The following SLC13A4 variants were observed in gnomAD, a reference collection of about 807,000 sequenced individuals.
SLC13A4 encodes the protein solute carrier family 13 member 4.
SLC13A4 carries 28 observed loss-of-function variants against 72.7 expected under a neutral mutation model. That is an observed-to-expected ratio of 0.39 (90% confidence interval 0.29 to 0.53). The LOEUF (loss-of-function observed/expected upper bound fraction) is 0.53, where lower values mean the gene tolerates loss of function less well. Among genes scored for constraint, SLC13A4 ranks in the 20% least tolerant of loss-of-function variants. SLC13A4 has a pLI of 0.78. For missense variants in SLC13A4, 653 were observed against 788.0 expected, an observed-to-expected ratio of 0.83 and a Z score of 2.05; for synonymous variants, 312 against 325.5, an observed-to-expected ratio of 0.96 and a Z score of 0.45.
chr7:135,711,962 GATTTTTTTT>G (rs1796313247), intron 2 of SLC13A4, among the ~76,000 whole-genome samples: 2 of 59,630 alleles, frequency 3.4e-5, no homozygotes, highest in Admixed American at 2.1e-4. Context: ...AATGTTTTTG[GATTTTTTTT>G]TTTTTTTTTT....
intron 15 of SLC13A4, among the ~76,000 whole-genome samples, chr7:135,681,918 C>G (rs959186152): frequency 2.6e-5 from 4 of 152,186 alleles, no homozygotes; most frequent in African/African-American, 7.2e-5. Context: ...ACAGCACTCT[C>G]ACTAGATTTC....
At chr7:135,696,298 T>C (rs1335607882) in intron 8 of SLC13A4, among the ~76,000 whole-genome samples, 1 of 152,166 alleles carries the variant, frequency 6.6e-6, no homozygotes, top group African/African-American at 2.4e-5. Flanking sequence ...TCTAAATGTC[T>C]CCCATCTTGA....
intron 14 of SLC13A4, 113 bp from the exon 15 acceptor site, chr7:135,684,374 C>T (rs1423515403): frequency 4.7e-6 from 6 of 1,289,528 alleles, no homozygotes; most frequent in South Asian, 1.6e-5. Flanking sequence ...TAGCAGGACA[C>T]TATGTGGAGG....
At position 135,705,609 on chromosome 7, in the gene SLC13A4, A is replaced by C. The variant is rs1406053479; in HGVS notation, c.580T>G (p.Phe194Val). ...KNSQPSLELI[F>V]VNEDRSNADL... ...AGTCATACTCACTCTTCATTGACAA[A>C]GATGAGTTCCAGAGAAGGTTGGCTG... is the stretch of plus-strand genomic sequence containing the variant. The change falls in exon 5 of 16, where the codon TTT becomes GTT. Residue 194 changes from phenylalanine (F) to valine (V), a missense_variant. Phe to Val is a conservative substitution (Grantham distance 50). Transcript: ENST00000682651. 6.2e-7 allele frequency: 1 copy of C among 1,613,978 alleles called. No homozygotes were observed. The highest frequency in any genetic ancestry group is 8.5e-7 in the Non-Finnish European group (1 of 1,179,952).
rs1231328937 is a variant in SLC13A4 at position 135,691,443 on chromosome 7, AG to A, written c.1321+104del. The A allele has an allele frequency of 1.4e-4, 63 of 452,244 alleles. 1 individual carries two copies. Among genetic ancestry groups the A allele is most frequent in the Non-Finnish European group, 2.6e-4 (60 of 230,918 alleles). The allele number at this position is 452,244 out of a possible 1,614,324, so 28.0% of individuals were successfully genotyped here. ...ACTGCTATTTGGGGCGGGGGCCGGG[AG>A]GGGGGTGGGAATCTGAAGGACCTTG... On this transcript the variant is annotated intron_variant, in intron 12 of 15. Coordinates refer to ENST00000682651, the MANE Select transcript of SLC13A4 (RefSeq NM_001318192.2).
At chr7:135,714,696 C>G (rs1796374005) in intron 2 of SLC13A4, among the ~76,000 whole-genome samples, 1 of 152,192 alleles carries the variant, frequency 6.6e-6, no homozygotes, top group Admixed American at 6.5e-5. Flanking sequence ...ATGAAATGCC[C>G]CCAGGCTTAC....
intron 13 of SLC13A4, among the ~76,000 whole-genome samples, chr7:135,689,522 C>T (rs1795725755): frequency 6.6e-6 from 1 of 152,130 alleles, no homozygotes; most frequent in African/African-American, 2.4e-5. Flanking sequence ...CTGACCACCC[C>T]ATAGACTATG....
chr7:135,727,152 C>G (rs1400007051), intron 1 of SLC13A4, among the ~76,000 whole-genome samples: 1 of 152,184 alleles, frequency 6.6e-6, no homozygotes, highest in Non-Finnish European at 1.5e-5. Flanking sequence ...CTGCCAAGGC[C>G]CCTACTCTGT....
At chr7:135,715,916 A>T (rs1011189984) in intron 2 of SLC13A4, among the ~76,000 whole-genome samples, 7 of 152,262 alleles carry the variant, frequency 4.6e-5, no homozygotes, top group African/African-American at 1.4e-4. Context: ...CTGGATGCTC[A>T]CAAGATCATA....
At chr7:135,724,513 A>G (rs1430749428) in intron 1 of SLC13A4, among the ~76,000 whole-genome samples, 1 of 100,592 alleles carries the variant, frequency 9.9e-6, no homozygotes, top group Non-Finnish European at 1.9e-5. Context: ...AAAAAAAAAA[A>G]AAAAAAAAAG....
At position 135,699,324 on chromosome 7, in the gene SLC13A4, G is replaced by T. The variant is rs137928962; in HGVS notation, c.899+40C>A. 5.4e-5 allele frequency: 84 copies of T among 1,552,754 alleles called. 1 individual carries two copies. The highest frequency in any genetic ancestry group is 5.8e-5 in the Non-Finnish European group (66 of 1,139,618). ...CCTAGTCCAGTTCCTGACACACAGT[G>T]GTGGTTAGTAAATATTTGTTGACCA... On this transcript the variant is annotated intron_variant, in intron 8 of 15. Transcript: ENST00000682651.
chr7:135,726,569 G>A (rs370884166), intron 1 of SLC13A4, among the ~76,000 whole-genome samples: 1 of 91,966 alleles, frequency 1.1e-5, no homozygotes, highest in Non-Finnish European at 2.3e-5. Context: ...AGAGAACAGC[G>A]GAGGGAAGGG....
In SLC13A4 at chr7:135,721,476, C is replaced by T. The variant is rs1225417360; in HGVS notation, c.147G>A (p.Val49=). ...YVLIVTAVYW[V]SEAVPLGAAA... ...CAGCTCCCAGAGGCACTGCCTCCGA[C>T]ACCCAGTACACAGCAGTCACGATCA... The change falls in exon 2 of 16, where the codon GTG becomes GTA. Residue 49 remains valine, a synonymous_variant. Coordinates refer to ENST00000682651, the MANE Select transcript of SLC13A4 (RefSeq NM_001318192.2). 2 of 1,614,042 alleles carry T rather than the reference C, an allele frequency of 1.2e-6. No individual in the cohort carries two copies. Among genetic ancestry groups the T allele is most frequent in the Non-Finnish European group, 1.7e-6 (2 of 1,180,014 alleles).
intron 3 of SLC13A4, 120 bp downstream of exon 3, chr7:135,707,994 G>A (rs1584732303): frequency 1.3e-5 from 17 of 1,302,920 alleles, no homozygotes; most frequent in East Asian, 9.4e-5. Context: ...GTGTCAGCCC[G>A]ACCCTTTGGT....
At chr7:135,720,957 TAACA>T (rs1348678364) in intron 2 of SLC13A4, among the ~76,000 whole-genome samples, 1 of 152,224 alleles carries the variant, frequency 6.6e-6, no homozygotes, top group Non-Finnish European at 1.5e-5. Context: ...AGTCTCTCTG[TAACA>T]AACATTCATT....
intron 2 of SLC13A4, among the ~76,000 whole-genome samples, chr7:135,715,082 T>C (rs1318353545): frequency 1.3e-5 from 2 of 150,352 alleles, no homozygotes; most frequent in Non-Finnish European, 3.0e-5. Flanking sequence ...GTATGATGTG[T>C]GTGTATAAGT....
intron 2 of SLC13A4, among the ~76,000 whole-genome samples, chr7:135,714,992 G>A (rs3110805): frequency 9.7e-6 from 1 of 102,848 alleles, no homozygotes; most frequent in African/African-American, 3.7e-5. Context: ...GTGTATGTGT[G>A]TGTATATGTG....
chr7:135,718,070 T>TACACACACACAC (rs148088162), intron 2 of SLC13A4, among the ~76,000 whole-genome samples: 15 of 102,492 alleles, frequency 1.5e-4, no homozygotes, highest in South Asian at 6.5e-4. Context: ...AGCCAATTCC[T>TACACACACACAC]ACACACACAC....
chr7:135,727,589 T>G lies in SLC13A4; in HGVS notation c.-93A>C. 1 of 1,430,462 alleles carries G rather than the reference T, an allele frequency of 7.0e-7. No individual in the cohort carries two copies. The highest frequency in any genetic ancestry group is 9.3e-7 in the Non-Finnish European group (1 of 1,073,650). The allele number at this position is 1,430,462 out of a possible 1,614,324, so 88.6% of individuals were successfully genotyped here. On this transcript the variant is annotated 5_prime_UTR_variant, in exon 1 of 16. Coordinates refer to ENST00000682651, the MANE Select transcript of SLC13A4 (RefSeq NM_001318192.2). ...ACTGCTCTCTATCCAGAAAGACTTCTTAAACCTTTCTTGGCTTCCGAGAGT... is the reference window on the plus strand; with the variant it reads ...ACTGCTCTCTATCCAGAAAGACTTCGTAAACCTTTCTTGGCTTCCGAGAGT...
Sources: allele counts gnomAD v4.1 joint callset (sites outside exome capture counted in the v4.1 genomes callset), GRCh38; gene constraint gnomAD v4.1.1; transcripts MANE v1.5; gene names NCBI Gene and HGNC (gene_info 2026-07-23, HGNC 2026-07-21).